WNT7B: variants seen among roughly 807,000 people sequenced by gnomAD.
WNT7B encodes protein Wnt-7b.
A neutral mutation model predicts 38.2 loss-of-function variants in WNT7B; 19 were observed. The ratio of observed to expected loss-of-function variants is 0.50; its 90% CI spans 0.35 to 0.73. The LOEUF (loss-of-function observed/expected upper bound fraction) is 0.73. Among genes scored for constraint, WNT7B ranks in the 30% least tolerant of loss-of-function variants. The pLI, the probability that WNT7B is intolerant of heterozygous loss-of-function variation, is 0.01. For missense variants in WNT7B, 423 were observed against 507.9 expected, an observed-to-expected ratio of 0.83 and a Z score of 1.61; for synonymous variants, 243 against 209.3, an observed-to-expected ratio of 1.16 and a Z score of -1.39.
rs114600632 is a variant in WNT7B at position 45,933,351 on chromosome 22, T to A, written c.299-1982A>T. On this transcript the variant is annotated intron_variant, in intron 2 of 3. Coordinates refer to ENST00000339464, the MANE Select transcript of WNT7B (RefSeq NM_058238.3). ...CTCATCCTGCCAGCCTCTCCTCTTC[T>A]GGCCACTGCCTACCCACGCTGCCCG... Among the ~76,000 whole-genome samples, 950 of 152,304 alleles carry A rather than the reference T, an allele frequency of 6.2e-3. 7 individuals are homozygous for A. Among genetic ancestry groups the A allele is most frequent in the African/African-American group, 0.022 (905 of 41,558 alleles).
At chr22:45,962,741 T>C (rs1932224474) in intron 1 of WNT7B, among the ~76,000 whole-genome samples, 1 of 152,214 alleles carries the variant, frequency 6.6e-6, no homozygotes, top group South Asian at 2.1e-4. Context: ...GCTGAGACCC[T>C]AGCAAGGATG....
intron 1 of WNT7B, among the ~76,000 whole-genome samples, chr22:45,955,943 C>T (rs749958551): frequency 2.9e-4 from 44 of 152,264 alleles, no homozygotes; most frequent in Admixed American, 1.2e-3. Flanking sequence ...GAGGGGCTGC[C>T]GCCAGGTAGC....
chr22:45,976,821 C>T lies in WNT7B; in HGVS notation c.-67G>A. On this transcript the variant is annotated 5_prime_UTR_variant, in exon 1 of 4. Transcript: ENST00000339464. This position sits in a 1 kb window ranked among gnomAD's most constrained non-coding sequence, Gnocchi z 8.5. ...AGGGGACGCGCGGGCCCGGCAGGGCCGGGCAGGGGCCAGGGGGCTGCGGGC... is the reference window on the plus strand; with the variant it reads ...AGGGGACGCGCGGGCCCGGCAGGGCTGGGCAGGGGCCAGGGGGCTGCGGGC... The T allele has an allele frequency of 1.3e-6, 2 of 1,483,884 alleles. No homozygotes were observed. The highest frequency in any genetic ancestry group is 1.2e-5 in the South Asian group (1 of 83,828). 91.9% of individuals were successfully genotyped at this position (1,483,884 alleles called of 1,614,324 possible). A position where few individuals can be genotyped will look rare whatever the true frequency, so the allele number is the denominator to read the frequency against.
At chr22:45,957,816 C>T (rs9286455) in intron 1 of WNT7B, among the ~76,000 whole-genome samples, 50,988 of 151,904 alleles carry the variant, frequency 0.34, 9,770 homozygotes, top group East Asian at 0.68. Context: ...CCTGCACACA[C>T]GCTCCATGGG....
At chr22:45,927,902 A>G (rs1931142863) in intron 3 of WNT7B, among the ~76,000 whole-genome samples, 2 of 152,170 alleles carry the variant, frequency 1.3e-5, no homozygotes, top group Non-Finnish European at 2.9e-5. Flanking sequence ...TCTCAAAACA[A>G]AGAGATGGAA....
chr22:45,929,353 T>C (rs1024500509), intron 3 of WNT7B, among the ~76,000 whole-genome samples: 5 of 151,400 alleles, frequency 3.3e-5, no homozygotes, highest in East Asian at 1.9e-4. Context: ...CTCATTCCTT[T>C]ATCCATCCAT....
intron 2 of WNT7B, among the ~76,000 whole-genome samples, chr22:45,939,672 A>ACAC (rs1477583799): frequency 7.7e-5 from 8 of 104,368 alleles, no homozygotes; most frequent in Admixed American, 2.6e-4. Context: ...CACACACACA[A>ACAC]AAATAGCCAG....
rs770588852 is a variant in WNT7B, at chr22:45,931,357, G to A, written c.311C>T (p.Ala104Val). Residue 104 changes from alanine (A) to valine (V), a missense_variant, in exon 3 of 4, where the codon GCT (alanine) becomes GTT (valine). Ala to Val is a moderately conservative substitution (Grantham distance 64, BLOSUM62 0). This residue lies in a region of WNT7B where 133 missense variants were observed against 179.8 expected (regional missense o/e 0.74). Coordinates refer to ENST00000339464, the MANE Select transcript of WNT7B (RefSeq NM_058238.3). ...GQELRVGSRE[A>V]AFTYAITAAG... ...CGCGGTGATGGCGTACGTGAAGGCAGCCTCACGGCTCCCTGCGGGGACAGA... is the reference window on the plus strand; with the variant it reads ...CGCGGTGATGGCGTACGTGAAGGCAACCTCACGGCTCCCTGCGGGGACAGA... The A allele has an allele frequency of 6.3e-7, 1 of 1,589,892 alleles. No homozygotes were observed. Among genetic ancestry groups the A allele is most frequent in the African/African-American group, 1.3e-5 (1 of 74,742 alleles).
rs149307148 is a variant in WNT7B at position 45,963,590 on chromosome 22, C to T, written c.71+13094G>A. ...CATCTTGGGCCAGGCCACACAGCAA[C>T]GTGGCAGTGGTTTGGTATCAGAGAC... On this transcript the variant is annotated intron_variant, in intron 1 of 3. Coordinates refer to ENST00000339464, the MANE Select transcript of WNT7B (RefSeq NM_058238.3). Among the ~76,000 whole-genome samples the T allele has an allele frequency of 2.8e-3, 424 of 152,292 alleles. 1 individual carries two copies. The highest frequency in any genetic ancestry group is 9.3e-3 in the African/African-American group (387 of 41,556).
Position 45,976,673 on chromosome 22 carries a change from G to A in WNT7B, c.71+11C>T, listed in dbSNP as rs1270988741. ...GCCCCTGGCTGCTGCCCTCGCCCAC[G>A]GGGTACTCACCCGAGCTTCACGTAC... On this transcript the variant is annotated intron_variant, in intron 1 of 3. Coordinates refer to ENST00000339464, the MANE Select transcript of WNT7B (RefSeq NM_058238.3). This position sits in a 1 kb window ranked among gnomAD's most constrained non-coding sequence, Gnocchi z 8.5. 6.2e-7 allele frequency: 1 copy of A among 1,606,004 alleles called. No individual in the cohort carries two copies. Among genetic ancestry groups the A allele is most frequent in the Admixed American group, 1.7e-5 (1 of 59,666 alleles).
intron 1 of WNT7B, among the ~76,000 whole-genome samples, chr22:45,971,220 A>ACGTGG (rs1390392006): frequency 7.4e-6 from 1 of 134,728 alleles, no homozygotes; most frequent in East Asian, 2.5e-4. Flanking sequence ...GCGACCCCGG[A>ACGTGG]CGTGGCCCGC....
intron 1 of WNT7B, among the ~76,000 whole-genome samples, chr22:45,952,723 G>A (rs1931962395): frequency 6.6e-6 from 1 of 152,196 alleles, no homozygotes; most frequent in Non-Finnish European, 1.5e-5. Flanking sequence ...GTGGACCCTG[G>A]GGGTGGCAAT....
intron 1 of WNT7B, among the ~76,000 whole-genome samples, chr22:45,964,405 G>A (rs1932266092): frequency 6.6e-6 from 1 of 152,144 alleles, no homozygotes; most frequent in Admixed American, 6.5e-5. Flanking sequence ...ACAGGAGTGT[G>A]GCCCCTGCAG....
At chr22:45,928,810 G>A (rs1931183435) in intron 3 of WNT7B, among the ~76,000 whole-genome samples, 1 of 152,164 alleles carries the variant, frequency 6.6e-6, no homozygotes, top group Non-Finnish European at 1.5e-5. Flanking sequence ...GTAGCCCAGA[G>A]ACCAACACCA....
In WNT7B at chr22:45,931,136, G is replaced by A. The variant is rs963574776; in HGVS notation, c.532C>T (p.Arg178Cys). The part of the protein sequence containing the change: ...DAREIKKNAR[R>C]LMNLHNNEAG... ...TCATTGTTATGCAGGTTCATGAGGCGCCGCGCGTTCTTCTTGATCTCCCGA... is the reference window on the plus strand; with the variant it reads ...TCATTGTTATGCAGGTTCATGAGGCACCGCGCGTTCTTCTTGATCTCCCGA... The change falls in exon 3 of 4, where the codon CGC becomes TGC. Residue 178 changes from arginine to cysteine, a missense_variant. By Grantham distance (180) the Arg-to-Cys change is radical. Transcript: ENST00000339464. 8.2e-6 allele frequency: 13 copies of A among 1,592,720 alleles called. No homozygotes were observed. In the East Asian group the frequency reaches 1.3e-4, roughly 16 times the overall value.
chr22:45,931,060 C>T (rs1569112285), intron 3 of WNT7B, 38 bp downstream of exon 3: 2 of 1,529,420 alleles, frequency 1.3e-6, no homozygotes. Flanking sequence ...ATACAGCGGT[C>T]CCAGCTACGG....
intron 1 of WNT7B, chr22:45,972,512 T>G (rs996812720): frequency 1.7e-5 from 3 of 173,802 alleles, no homozygotes; most frequent in African/African-American, 7.2e-5. Context: ...GGTCTGGACC[T>G]CCGTCCGTCT....
chr22:45,929,678 CTCCATACTTCCA>C (rs1477397688), intron 3 of WNT7B, among the ~76,000 whole-genome samples: 2 of 70,898 alleles, frequency 2.8e-5, no homozygotes, highest in Non-Finnish European at 5.6e-5. Context: ...CCATCCTTCC[CTCCATACTTCCA>C]TCCACCCATC....
intron 2 of WNT7B, among the ~76,000 whole-genome samples, chr22:45,940,330 CT>C (rs1420875041): frequency 6.6e-6 from 1 of 152,144 alleles, no homozygotes; most frequent in Non-Finnish European, 1.5e-5. Context: ...GAGCCGGGAT[CT>C]GACCAGGACC....
Sources: gnomAD v4.1 joint callset for allele counts (sites outside exome capture counted in the v4.1 genomes callset) on GRCh38, gnomAD v4.1.1 for gene constraint, gnomAD v4.1.1 regional missense constraint, Gnocchi (gnomAD v3.1) non-coding constraint, MANE v1.5 for transcripts, NCBI Gene and HGNC (gene_info 2026-07-23, HGNC 2026-07-21) for gene names.